The following LUZP2 variants were observed in gnomAD, a reference collection of about 807,000 sequenced individuals.
LUZP2 encodes leucine zipper protein 2.
In LUZP2, 52 loss-of-function variants were observed where a neutral mutation model predicts 51.6. The ratio of observed to expected loss-of-function variants is 1.01; its 90% CI spans 0.81 to 1.27. LUZP2 has a LOEUF of 1.27. Among genes scored for constraint, LUZP2 ranks in the 50% most tolerant of loss-of-function variants. The probability of loss-of-function intolerance (pLI) is 0.00; values close to 1 mark genes in which losing one functional copy is unlikely to be tolerated. For synonymous variants in LUZP2, 154 were observed against 137.3 expected, an observed-to-expected ratio of 1.12 and a Z score of -0.85; for missense variants, 436 against 395.4, an observed-to-expected ratio of 1.10 and a Z score of -0.87.
rs917507370 is a variant in LUZP2, at chr11:24,892,370, A to T, written c.397-13621A>T. On this transcript the variant is annotated intron_variant, in intron 5 of 11. Coordinates refer to ENST00000336930, the MANE Select transcript of LUZP2 (RefSeq NM_001009909.4). Reference sequence around the variant, plus strand: ...GCCACCACTGGAGTAGATGACCTAAAAGTTCTTACAACTCTCAATTATACC... The same window carrying T: ...GCCACCACTGGAGTAGATGACCTAATAGTTCTTACAACTCTCAATTATACC... 5.1e-6 allele frequency: 5 copies of T among 985,106 alleles called. No individual in the cohort carries two copies. The African/African-American group carries it at 8.7e-5, about 17-fold the overall frequency. 61.0% of individuals were successfully genotyped at this position (985,106 alleles called of 1,614,324 possible). A position where few individuals can be genotyped will look rare whatever the true frequency, so the allele number is the denominator to read the frequency against.
intron 5 of LUZP2, among the ~76,000 whole-genome samples, chr11:24,777,351 C>T (rs1489970040): frequency 6.7e-5 from 10 of 148,216 alleles, no homozygotes; most frequent in Non-Finnish European, 4.5e-5. Context: ...GGAGCTACAA[C>T]TTGTTAGAGG....
At chr11:24,617,450 C>T (rs1854327096) in intron 1 of LUZP2, among the ~76,000 whole-genome samples, 2 of 152,144 alleles carry the variant, frequency 1.3e-5, no homozygotes, top group South Asian at 4.1e-4. Context: ...CTGTTATCTT[C>T]ATGTTGGCAT....
At chr11:24,831,058 C>T (rs1850689136) in intron 5 of LUZP2, among the ~76,000 whole-genome samples, 1 of 152,086 alleles carries the variant, frequency 6.6e-6, no homozygotes, top group African/African-American at 2.4e-5. Flanking sequence ...AAGAGTCAAA[C>T]TCAAGAGTTC....
chr11:25,070,436 T>A (rs527995321), intron 10 of LUZP2, among the ~76,000 whole-genome samples: 1 of 152,046 alleles, frequency 6.6e-6, no homozygotes, highest in Non-Finnish European at 1.5e-5. Flanking sequence ...CCCATCTAGA[T>A]AATCTCCATT....
chr11:24,508,759 T>C (rs1850214451), intron 1 of LUZP2, among the ~76,000 whole-genome samples: 1 of 152,296 alleles, frequency 6.6e-6, no homozygotes, highest in East Asian at 1.9e-4. Context: ...AGAACAGTAC[T>C]ACAAATTTGT....
rs150961210 is a variant in LUZP2, at chr11:24,624,985, T to C, written c.63-104184T>C. Among the ~76,000 whole-genome samples the C allele has an allele frequency of 2.4e-4, 37 of 152,102 alleles. No individual in the cohort carries two copies. The East Asian group carries it at 6.4e-3, about 26-fold the overall frequency. On this transcript the variant is annotated intron_variant, in intron 1 of 11. Coordinates refer to ENST00000336930, the MANE Select transcript of LUZP2 (RefSeq NM_001009909.4). ...AGAAGGAGTGAGACAGAGGGAGCAA[T>C]TGGTATGCATGGTGAGCACAGAAGG...
intron 7 of LUZP2, among the ~76,000 whole-genome samples, chr11:24,948,633 T>C (rs1463090534): frequency 6.6e-6 from 1 of 151,778 alleles, no homozygotes; most frequent in Non-Finnish European, 1.5e-5. Flanking sequence ...AAACACTTCT[T>C]AATCCTGCTG....
intron 5 of LUZP2, among the ~76,000 whole-genome samples, chr11:24,819,297 A>C (rs2134153940): frequency 6.6e-6 from 1 of 152,210 alleles, no homozygotes; most frequent in Middle Eastern, 3.4e-3. Flanking sequence ...ATAATACCTA[A>C]GGGATTTTCA....
intron 1 of LUZP2, among the ~76,000 whole-genome samples, chr11:24,693,624 C>T (rs781122295): frequency 1.8e-4 from 27 of 151,772 alleles, no homozygotes; most frequent in Non-Finnish European, 3.4e-4. Context: ...AGAAACTATG[C>T]ACTTCATTTA....
At chr11:24,706,817 T>C (rs202018496) in intron 1 of LUZP2, among the ~76,000 whole-genome samples, 1 of 109,202 alleles carries the variant, frequency 9.2e-6, no homozygotes, top group Non-Finnish European at 2.0e-5. Flanking sequence ...CTCAGATCTC[T>C]TTATTTTTTA....
intron 10 of LUZP2, among the ~76,000 whole-genome samples, chr11:25,053,959 C>A (rs1022432098): frequency 1.3e-5 from 2 of 152,154 alleles, no homozygotes; most frequent in Non-Finnish European, 1.5e-5. Context: ...AGGTAAAATT[C>A]TCAGTAATGA....
chr11:24,856,256 C>G (rs1358505930), intron 5 of LUZP2, among the ~76,000 whole-genome samples: 1 of 151,718 alleles, frequency 6.6e-6, no homozygotes, highest in Non-Finnish European at 1.5e-5. Context: ...AGAAACAACT[C>G]CATTTAAAAG....
At chr11:24,710,051 A>G (rs7122035) in intron 1 of LUZP2, among the ~76,000 whole-genome samples, 4,186 of 152,252 alleles carry the variant, frequency 0.027, 192 homozygotes, top group African/African-American at 0.097. Context: ...TTTGCCCTCA[A>G]CTTAACTATA....
rs1270166500 is a variant in LUZP2, at chr11:25,078,778, T to G, written c.*120T>G. 5.3e-6 allele frequency: 4 copies of G among 748,972 alleles called. No homozygotes were observed. The highest frequency in any genetic ancestry group is 3.6e-5 in the African/African-American group (2 of 55,428). The allele number at this position is 748,972 out of a possible 1,614,324, so 46.4% of individuals were successfully genotyped here. A position where few individuals can be genotyped will look rare whatever the true frequency, so the allele number is the denominator to read the frequency against. Reference sequence around the variant, plus strand: ...CAACTTTTTCACAATTTTATGTAACTTTATAAAGTAGCCTACACATTTTCA... The same window carrying G: ...CAACTTTTTCACAATTTTATGTAACGTTATAAAGTAGCCTACACATTTTCA... On this transcript the variant is annotated 3_prime_UTR_variant, in exon 12 of 12. Coordinates refer to ENST00000336930, the MANE Select transcript of LUZP2 (RefSeq NM_001009909.4).
intron 1 of LUZP2, 95 bp from the exon 2 acceptor site, chr11:24,729,074 C>G (rs1006199216): frequency 2.0e-5 from 11 of 550,524 alleles, no homozygotes; most frequent in Non-Finnish European, 2.8e-5. Flanking sequence ...GTTTTAACTT[C>G]TCTAGATTTC....
intron 1 of LUZP2, 175 bp from the exon 2 acceptor site, chr11:24,728,994 T>C: frequency 2.5e-6 from 1 of 394,352 alleles, no homozygotes; most frequent in Non-Finnish European, 4.6e-6. Context: ...AAACTTTTGT[T>C]ATAAAATGGG....
intron 5 of LUZP2, among the ~76,000 whole-genome samples, chr11:24,808,262 T>G (rs1590566413): frequency 6.6e-6 from 1 of 152,214 alleles, no homozygotes; most frequent in South Asian, 2.1e-4. Flanking sequence ...ATATTTTGGG[T>G]TTTAGACAGT....
intron 10 of LUZP2, among the ~76,000 whole-genome samples, chr11:25,069,701 C>A (rs919551811): frequency 2.0e-5 from 3 of 151,776 alleles, no homozygotes; most frequent in Admixed American, 6.6e-5. Context: ...AGTTTCAATT[C>A]ATTTTATCAA....
rs188613360 is a variant in LUZP2 at position 24,919,548 on chromosome 11, C to T, written c.522+5010C>T. Among the ~76,000 whole-genome samples the T allele has an allele frequency of 4.5e-3, 622 of 138,700 alleles. 7 individuals carry two copies. Among genetic ancestry groups the T allele is most frequent in the Non-Finnish European group, 6.0e-3 (387 of 64,816 alleles). The allele number at this position is 138,700 out of a possible 152,430, so 91.0% of individuals were successfully genotyped here. A position where few individuals can be genotyped will look rare whatever the true frequency, so the allele number is the denominator to read the frequency against. ...TTTATATATATACTGTATATGTATT[C>T]TTTATATATATTCATAATTTTTAAT... On this transcript the variant is annotated intron_variant, in intron 7 of 11. Transcript: ENST00000336930.
Sources: allele counts gnomAD v4.1 joint callset (sites outside exome capture counted in the v4.1 genomes callset), GRCh38; gene constraint gnomAD v4.1.1; transcripts MANE v1.5; gene names NCBI Gene and HGNC (gene_info 2026-07-23, HGNC 2026-07-21).